ZNF326: variants seen among roughly 807,000 people sequenced by gnomAD.
ZNF326 encodes the protein zinc finger protein 326.
A neutral mutation model predicts 63.1 loss-of-function variants in ZNF326; 30 were observed. The ratio of observed to expected loss-of-function variants is 0.48; its 90% CI spans 0.36 to 0.64. The LOEUF is 0.64. ZNF326 is among the 30% of genes least tolerant of loss of function. ZNF326 has a pLI of 0.00. For missense variants in ZNF326, 609 were observed against 720.3 expected (o/e 0.85, Z 1.77); for synonymous variants, 194 against 228.2 (o/e 0.85, Z 1.35).
In ZNF326 at chr1:90,019,275, CT is replaced by C. The variant is rs375305140; in HGVS notation, c.1174+496del. Among the ~76,000 whole-genome samples, 277 of 152,244 alleles carry C rather than the reference CT, an allele frequency of 1.8e-3. 1 individual carries two copies. Among genetic ancestry groups the C allele is most frequent in the African/African-American group, 6.3e-3 (261 of 41,574 alleles). On this transcript the variant is annotated intron_variant, in intron 9 of 11. Transcript: ENST00000340281. Reference sequence around the variant, plus strand: ...CTAGTTCTCCTAAATAACCTGTCTTCTTTTTCTTTTTAAATAACCATGCTTC... The same window carrying C: ...CTAGTTCTCCTAAATAACCTGTCTTCTTTTCTTTTTAAATAACCATGCTTC...
Position 90,033,865 on chromosome 1 carries a change from A to G in ZNF326, c.*6164A>G, listed in dbSNP as rs929589617. On this transcript the variant is annotated 3_prime_UTR_variant, in exon 12 of 12. Coordinates refer to ENST00000340281, the MANE Select transcript of ZNF326 (RefSeq NM_182976.4). ...GCCAGGTAAATACTATGCAATAAAT[A>G]TTTTTGAATGTATGTATGTATGTTA... The G allele has an allele frequency of 2.6e-5, 4 of 152,008 alleles. No homozygotes were observed. The highest frequency in any genetic ancestry group is 1.9e-4 in the East Asian group (1 of 5,198). 9.4% of individuals were successfully genotyped at this position (152,008 alleles called of 1,614,324 possible).
intron 7 of ZNF326, among the ~76,000 whole-genome samples, chr1:90,013,807 T>C (rs1276819667): frequency 2.6e-5 from 4 of 151,974 alleles, no homozygotes; most frequent in Non-Finnish European, 5.9e-5. Flanking sequence ...CTCATGCCTG[T>C]AATCCCAGCA....
Position 90,023,040 on chromosome 1 carries a change from T to C in ZNF326, c.1401+695T>C, listed in dbSNP as rs113054474. On this transcript the variant is annotated intron_variant, in intron 11 of 11. Transcript: ENST00000340281. The stretch of plus-strand genomic sequence containing the variant: ...CAGATGTGAACAATTGGATATATAC[T>C]CTTTACTCCTCAGGGTTTTTGCCAT... 4.8e-3 allele frequency among the ~76,000 whole-genome samples: 732 copies of C among 152,332 alleles called. 5 individuals carry two copies. Among genetic ancestry groups the C allele is most frequent in the Middle Eastern group, 0.02 (6 of 294 alleles).
chr1:89,998,286 A>G (rs1033731567), intron 2 of ZNF326, 132 bp downstream of exon 2: 9 of 727,562 alleles, frequency 1.2e-5, no homozygotes, highest in Admixed American at 3.2e-5. Context: ...TTGTCTTACT[A>G]TATATAGTAT....
At chr1:90,008,022 GT>G (rs1649069650) in intron 5 of ZNF326, among the ~76,000 whole-genome samples, 1 of 152,192 alleles carries the variant, frequency 6.6e-6, no homozygotes, top group African/African-American at 2.4e-5. Flanking sequence ...GTTAAAAGGA[GT>G]TGCATTTTCC....
rs367689392 is a variant in ZNF326 at position 90,031,206 on chromosome 1, C to G, written c.*3505C>G. The G allele has an allele frequency of 1.3e-5, 2 of 152,144 alleles. No individual in the cohort carries two copies. The highest frequency in any genetic ancestry group is 2.9e-5 in the Non-Finnish European group (2 of 68,034). The allele number at this position is 152,144 out of a possible 1,614,324, so 9.4% of individuals were successfully genotyped here. A position where few individuals can be genotyped will look rare whatever the true frequency, so the allele number is the denominator to read the frequency against. On this transcript the variant is annotated 3_prime_UTR_variant, in exon 12 of 12. Transcript: ENST00000340281. The stretch of plus-strand genomic sequence containing the variant: ...GGAGTCAGAAAATGGGGACTTTTCC[C>G]CCCTCATTTAATACTTACAACTATA...
chr1:90,007,542 A>C lies in ZNF326; in HGVS notation c.407A>C (p.Tyr136Ser), dbSNP rs773591916. The C allele has an allele frequency of 6.2e-7, 1 of 1,613,492 alleles. No individual in the cohort carries two copies. The highest frequency in any genetic ancestry group is 8.5e-7 in the Non-Finnish European group (1 of 1,179,902). The change falls in exon 5 of 12, where the codon TAC becomes TCC. Residue 136 changes from tyrosine (Y) to serine (S), a missense_variant. By Grantham distance (144) the Tyr-to-Ser change is moderately radical (BLOSUM62 -2). Coordinates refer to ENST00000340281, the MANE Select transcript of ZNF326 (RefSeq NM_182976.4). This position sits in a 1 kb window ranked among gnomAD's most constrained non-coding sequence, Gnocchi z 4.9. Reference protein sequence around the residue: ...NQGGSSWEAPYSRSKLRPGFM... With the variant: ...NQGGSSWEAPSSRSKLRPGFM... ...GGCGGGTCTAGCTGGGAAGCACCTT[A>C]CTCCCGTTCAAAATTGAGGCCTGGG...
chr1:90,002,071 A>G (rs181684352), intron 2 of ZNF326, among the ~76,000 whole-genome samples: 1 of 152,268 alleles, frequency 6.6e-6, no homozygotes, highest in East Asian at 1.9e-4. Flanking sequence ...TTTATTTTTA[A>G]AAGTGATTTT....
intron 6 of ZNF326, 115 bp downstream of exon 6, chr1:90,010,401 G>A (rs1649181330): frequency 1.9e-6 from 2 of 1,069,896 alleles, no homozygotes; most frequent in South Asian, 1.7e-5. Flanking sequence ...AATTATGATT[G>A]TAGAAGTTAG....
At chr1:90,021,001 C>CTATCTGCCATG in intron 10 of ZNF326, 79 bp downstream of exon 10, 1 of 1,413,262 alleles carries the variant, frequency 7.1e-7, no homozygotes, top group South Asian at 1.3e-5. Flanking sequence ...AGCTTCACAC[C>CTATCTGCCATG]TATCTGCAAT....
chr1:89,998,082 T>C lies in ZNF326; in HGVS notation c.17-28T>C, dbSNP rs771540255. On this transcript the variant is annotated intron_variant, in intron 1 of 11. Transcript: ENST00000340281. ...TGAATTATTGCTAATATCACACTAA[T>C]TCCTTTTTGTTAAATGTGTCTTCAT... 4.4e-6 allele frequency: 7 copies of C among 1,603,626 alleles called. No homozygotes were observed. In the South Asian group the frequency reaches 6.7e-5, roughly 15 times the overall value.
Position 90,031,194 on chromosome 1 carries a change from G to T in ZNF326, c.*3493G>T, listed in dbSNP as rs1297720747. 6.6e-6 allele frequency: 1 copy of T among 152,180 alleles called. No homozygotes were observed. Among genetic ancestry groups the T allele is most frequent in the African/African-American group, 2.4e-5 (1 of 41,422 alleles). The allele number at this position is 152,180 out of a possible 1,614,324, so 9.4% of individuals were successfully genotyped here. A position where few individuals can be genotyped will look rare whatever the true frequency, so the allele number is the denominator to read the frequency against. On this transcript the variant is annotated 3_prime_UTR_variant, in exon 12 of 12. Transcript: ENST00000340281. Reference sequence around the variant, plus strand: ...AACAGACCTGTGGGAGTCAGAAAATGGGGACTTTTCCCCCCTCATTTAATA... The same window carrying T: ...AACAGACCTGTGGGAGTCAGAAAATTGGGACTTTTCCCCCCTCATTTAATA...
At chr1:90,022,540 C>G (rs910072672) in intron 11 of ZNF326, among the ~76,000 whole-genome samples, 195 bp downstream of exon 11, 2 of 152,132 alleles carry the variant, frequency 1.3e-5, no homozygotes, top group Non-Finnish European at 2.9e-5. Flanking sequence ...TGATTCCTCT[C>G]TTATCACCTT....
In ZNF326 at chr1:90,007,616, T is replaced by C. The variant is rs1181936742; in HGVS notation, c.481T>C (p.Ser161Pro). ...GAATTACTCTTCCTACAGCAGTTTT[T>C]CTTCACCCCATATGAAGCCTGCACC... is the stretch of plus-strand genomic sequence containing the variant. ...RENYSSYSSF[S>P]SPHMKPAPVG... The change falls in exon 5 of 12, where the codon TCT becomes CCT. Residue 161 changes from serine to proline, a missense_variant. Physicochemically the swap from Ser to Pro is moderately conservative, Grantham distance 74. Transcript: ENST00000340281. The surrounding 1 kb of genome is among the most constrained non-coding windows in gnomAD (Gnocchi z 4.9). The C allele has an allele frequency of 6.3e-7, 1 of 1,598,772 alleles. No homozygotes were observed. The highest frequency in any genetic ancestry group is 2.2e-5 in the East Asian group (1 of 44,666).
chr1:90,008,894 A>G (rs1178469816), intron 5 of ZNF326, among the ~76,000 whole-genome samples: 1 of 152,164 alleles, frequency 6.6e-6, no homozygotes, highest in Non-Finnish European at 1.5e-5. Flanking sequence ...TGGAAACACA[A>G]CTAGGTTAGA....
chr1:90,027,292 C>A (rs534620623), intron 11 of ZNF326, 62 bp from the exon 12 acceptor site: 31 of 1,492,336 alleles, frequency 2.1e-5, no homozygotes, highest in Non-Finnish European at 2.6e-5. Flanking sequence ...GTAAAAATTT[C>A]ACTTGCCAGA....
intron 2 of ZNF326, among the ~76,000 whole-genome samples, chr1:89,999,244 G>C (rs536503219): frequency 6.6e-6 from 1 of 152,186 alleles, no homozygotes; most frequent in South Asian, 2.1e-4. Context: ...AGAACTTGCA[G>C]GCTGACTAGT....
intron 7 of ZNF326, among the ~76,000 whole-genome samples, chr1:90,013,938 G>A (rs1052617857): frequency 3.9e-5 from 6 of 152,072 alleles, no homozygotes; most frequent in African/African-American, 1.2e-4. Context: ...TGTGGTGGGT[G>A]CCTGTAGTCC....
intron 5 of ZNF326, among the ~76,000 whole-genome samples, chr1:90,008,290 T>G (rs957740584): frequency 6.6e-6 from 1 of 152,222 alleles, no homozygotes; most frequent in Non-Finnish European, 1.5e-5. Context: ...TATAATAGAT[T>G]GTACAATGAT....
Sources: gnomAD v4.1 joint callset for allele counts (sites outside exome capture counted in the v4.1 genomes callset) on GRCh38, gnomAD v4.1.1 for gene constraint, Gnocchi (gnomAD v3.1) non-coding constraint, MANE v1.5 for transcripts, NCBI Gene and HGNC (gene_info 2026-07-23, HGNC 2026-07-21) for gene names.